The following TNFRSF1B variants were observed in gnomAD, a reference collection of about 807,000 sequenced individuals.
TNFRSF1B encodes the protein tumor necrosis factor receptor superfamily member 1B.
TNFRSF1B carries 19 observed loss-of-function variants against 44.6 expected under a neutral mutation model. The observed-to-expected ratio is 0.43, with a 90% CI of 0.30 to 0.62. The LOEUF (loss-of-function observed/expected upper bound fraction) is 0.62, where lower values mean the gene tolerates loss of function less well. Ranked by LOEUF, TNFRSF1B falls within the 20% of genes least tolerant of loss-of-function variation. The pLI, the probability that TNFRSF1B is intolerant of heterozygous loss-of-function variation, is 0.16. For missense variants in TNFRSF1B, 541 were observed against 619.9 expected (o/e 0.87, Z 1.35); for synonymous variants, 252 against 261.1 (o/e 0.97, Z 0.34).
intron 3 of TNFRSF1B, among the ~76,000 whole-genome samples, chr1:12,191,309 T>C (rs1639117393): frequency 6.6e-6 from 1 of 152,098 alleles, no homozygotes; most frequent in South Asian, 2.1e-4. Flanking sequence ...TGTGCCCACG[T>C]GAGGGTTGAG....
rs112914333 is a variant in TNFRSF1B, at chr1:12,202,123, G to A, written c.1057G>A (p.Val353Met). 2.9e-5 allele frequency: 45 copies of A among 1,563,494 alleles called. No homozygotes were observed. Among genetic ancestry groups the A allele is most frequent in the African/African-American group, 1.9e-4 (14 of 73,922 alleles). Residue 353 changes from valine to methionine, a missense_variant, in exon 9 of 10, where the codon GTG becomes ATG. By Grantham distance (21) the Val-to-Met change is conservative. Transcript: ENST00000376259. Reference sequence around the variant, plus strand: ...TCGGAACCAGCCACAGGCACCAGGCGTGGAGGCCAGTGGGGCCGGGGAGGC... The same window carrying A: ...TCGGAACCAGCCACAGGCACCAGGCATGGAGGCCAGTGGGGCCGGGGAGGC... Reference protein sequence around the residue: ...PTRNQPQAPGVEASGAGEARA... With the variant: ...PTRNQPQAPGMEASGAGEARA...
intron 2 of TNFRSF1B, 79 bp downstream of exon 2, chr1:12,188,974 A>G (rs1201157): frequency 0.58 from 745,507 of 1,292,484 alleles, 217,497 homozygotes; most frequent in Middle Eastern, 0.68. Flanking sequence ...GCAAGAGCAT[A>G]GCCCTTGATT....
intron 1 of TNFRSF1B, among the ~76,000 whole-genome samples, chr1:12,183,703 T>TCTAC (rs1638883452): frequency 1.7e-5 from 2 of 117,098 alleles, no homozygotes; most frequent in Admixed American, 8.4e-5. Flanking sequence ...TATCTATCTA[T>TCTAC]CTATCTATTC....
intron 1 of TNFRSF1B, 198 bp downstream of exon 1, chr1:12,167,367 C>G: frequency 2.4e-6 from 1 of 408,166 alleles, no homozygotes; most frequent in Non-Finnish European, 4.3e-6. Flanking sequence ...GCCCGGCACA[C>G]GTGCGCTCGG....
At chr1:12,172,884 G>A (rs904628562) in intron 1 of TNFRSF1B, among the ~76,000 whole-genome samples, 4 of 152,222 alleles carry the variant, frequency 2.6e-5, no homozygotes, top group African/African-American at 9.7e-5. Context: ...GAGTGCACAA[G>A]GCTTCAGTTT....
At chr1:12,193,798 C>T (rs926492300) in intron 6 of TNFRSF1B, among the ~76,000 whole-genome samples, 157 bp from the exon 7 acceptor site, 1 of 152,176 alleles carries the variant, frequency 6.6e-6, no homozygotes, top group African/African-American at 2.4e-5. Context: ...GGCACACAGA[C>T]ATGATTGCTT....
rs959704809 is a variant in TNFRSF1B at position 12,177,357 on chromosome 1, T to G, written c.78+10188T>G. Among the ~76,000 whole-genome samples the G allele has an allele frequency of 2.6e-5, 4 of 152,164 alleles. No homozygotes were observed. The highest frequency in any genetic ancestry group is 9.7e-5 in the African/African-American group (4 of 41,450). Reference sequence around the variant, plus strand: ...CAACCCCATTTGTCCCTGGAGCTTTTGCAGTCGGTCACAGGGCCAGCCCGG... The same window carrying G: ...CAACCCCATTTGTCCCTGGAGCTTTGGCAGTCGGTCACAGGGCCAGCCCGG... On this transcript the variant is annotated intron_variant, in intron 1 of 9. Coordinates refer to ENST00000376259, the MANE Select transcript of TNFRSF1B (RefSeq NM_001066.3). This position sits in a 1 kb window ranked among gnomAD's most constrained non-coding sequence, Gnocchi z 4.3.
rs1638445030 is a variant in TNFRSF1B, at chr1:12,168,507, C to T, written c.78+1338C>T. Among the ~76,000 whole-genome samples the T allele has an allele frequency of 6.6e-6, 1 of 152,150 alleles. No individual in the cohort carries two copies. Among genetic ancestry groups the T allele is most frequent in the African/African-American group, 2.4e-5 (1 of 41,454 alleles). On this transcript the variant is annotated intron_variant, in intron 1 of 9. Coordinates refer to ENST00000376259, the MANE Select transcript of TNFRSF1B (RefSeq NM_001066.3). The surrounding 1 kb of genome is among the most constrained non-coding windows in gnomAD (Gnocchi z 4.7). ...GGGACGACCGTGGTCCCCAGCTTGA[C>T]TTTGGGGTCATGCCATATACTCTGG...
At position 12,168,195 on chromosome 1, in the gene TNFRSF1B, C is replaced by T. The variant is rs1028525137; in HGVS notation, c.78+1026C>T. Among the ~76,000 whole-genome samples the T allele has an allele frequency of 6.6e-6, 1 of 152,218 alleles. No individual in the cohort carries two copies. On this transcript the variant is annotated intron_variant, in intron 1 of 9. Transcript: ENST00000376259. The surrounding 1 kb of genome is among the most constrained non-coding windows in gnomAD (Gnocchi z 4.7). The stretch of plus-strand genomic sequence containing the variant: ...GGCTGCGGGGAAGGTGGGCGTTCAT[C>T]CTTCCTCAGAGCCGCCCCTGATGGA...
intron 2 of TNFRSF1B, 148 bp downstream of exon 2, chr1:12,189,043 G>A: frequency 1.5e-6 from 1 of 648,898 alleles, no homozygotes; most frequent in Non-Finnish European, 2.5e-6. Context: ...CTGGGCCTGT[G>A]AACATGCTGT....
rs17878920 is a variant in TNFRSF1B at position 12,170,337 on chromosome 1, T to A, written c.78+3168T>A. On this transcript the variant is annotated intron_variant, in intron 1 of 9. Transcript: ENST00000376259. ...TCACAGACCTGGGCTCTGTCCCAAC[T>A]GCCCTTATGAGCTTAGCTGAGCTAG... Among the ~76,000 whole-genome samples, 239 of 152,358 alleles carry A rather than the reference T, an allele frequency of 1.6e-3. 1 individual carries two copies. Among genetic ancestry groups the A allele is most frequent in the African/African-American group, 5.4e-3 (226 of 41,588 alleles).
chr1:12,174,145 TCTTCTTCTTCTTCTTCTTCTCCTTCTC>T (rs1557623583), intron 1 of TNFRSF1B, among the ~76,000 whole-genome samples: 3 of 86,558 alleles, frequency 3.5e-5, no homozygotes, highest in African/African-American at 1.8e-4. Flanking sequence ...TTCTTCTTCT[TCTTCTTCTTCTTCTTCTTCTCCTTCTC>T]CTTCTCCTTC....
chr1:12,189,028 T>G (rs1639051926), intron 2 of TNFRSF1B, 133 bp downstream of exon 2: 1 of 704,508 alleles, frequency 1.4e-6, no homozygotes, highest in Non-Finnish European at 2.3e-6. Context: ...TGCTCCCTGC[T>G]GCTTCTGGGC....
At chr1:12,174,540 G>T (rs1008429085) in intron 1 of TNFRSF1B, among the ~76,000 whole-genome samples, 5 of 152,278 alleles carry the variant, frequency 3.3e-5, no homozygotes, top group East Asian at 1.9e-4. Context: ...GAGCCACTGC[G>T]CCCAGCTTCC....
At chr1:12,192,343 C>T (rs1203808021) in intron 4 of TNFRSF1B, 88 bp from the exon 5 acceptor site, 1 of 1,245,924 alleles carries the variant, frequency 8.0e-7, no homozygotes, top group African/African-American at 1.5e-5. Context: ...CCTTGGGCCC[C>T]TCAGACCTCT....
At chr1:12,192,333 C>T (rs1639162791) in intron 4 of TNFRSF1B, 98 bp from the exon 5 acceptor site, 1 of 1,020,190 alleles carries the variant, frequency 9.8e-7, no homozygotes, top group Non-Finnish European at 1.5e-6. Context: ...AGACAGAGCT[C>T]CTTGGGCCCC....
chr1:12,189,826 A>G lies in TNFRSF1B; in HGVS notation c.178+931A>G, dbSNP rs113904142. On this transcript the variant is annotated intron_variant, in intron 2 of 9. Coordinates refer to ENST00000376259, the MANE Select transcript of TNFRSF1B (RefSeq NM_001066.3). Reference sequence around the variant, plus strand: ...CTGGGAAGGTCTCTCTGAGGAGGTGACATTTGGGCAGAGCCCTGCAGGAGG... The same window carrying G: ...CTGGGAAGGTCTCTCTGAGGAGGTGGCATTTGGGCAGAGCCCTGCAGGAGG... Among the ~76,000 whole-genome samples, 977 of 152,324 alleles carry G rather than the reference A, an allele frequency of 6.4e-3. 14 individuals are homozygous for G. The highest frequency in any genetic ancestry group is 0.022 in the African/African-American group (919 of 41,558).
rs1638698811 is a variant in TNFRSF1B, at chr1:12,177,894, C to T, written c.78+10725C>T. Among the ~76,000 whole-genome samples the T allele has an allele frequency of 1.3e-5, 2 of 152,112 alleles. No individual in the cohort carries two copies. Among genetic ancestry groups the T allele is most frequent in the South Asian group, 4.1e-4 (2 of 4,832 alleles). On this transcript the variant is annotated intron_variant, in intron 1 of 9. Coordinates refer to ENST00000376259, the MANE Select transcript of TNFRSF1B (RefSeq NM_001066.3). The surrounding 1 kb of genome is among the most constrained non-coding windows in gnomAD (Gnocchi z 4.3). ...AACTACACAGAGTGCCCTTCCTTGT[C>T]ACAGCTACCTGGGGGCAGGGGAACA...
chr1:12,206,885 G>A lies in TNFRSF1B; in HGVS notation c.1251G>A (p.Lys417=), dbSNP rs917000076. 6.2e-7 allele frequency: 1 copy of A among 1,614,120 alleles called. No homozygotes were observed. Among genetic ancestry groups the A allele is most frequent in the African/African-American group, 1.3e-5 (1 of 74,944 alleles). The stretch of plus-strand genomic sequence containing the variant: ...ATTCCAGCCCCTCGGAGTCCCCGAA[G>A]GACGAGCAGGTCCCCTTCTCCAAGG... ...DTDSSPSESP[K]DEQVPFSKEE... The change falls in exon 10 of 10, where the codon AAG becomes AAA. Residue 417 remains lysine (K), a synonymous_variant. Coordinates refer to ENST00000376259, the MANE Select transcript of TNFRSF1B (RefSeq NM_001066.3).
Sources: allele counts gnomAD v4.1 joint callset (sites outside exome capture counted in the v4.1 genomes callset), GRCh38; gene constraint gnomAD v4.1.1; non-coding constraint Gnocchi (gnomAD v3.1); transcripts MANE v1.5; gene names NCBI Gene and HGNC (gene_info 2026-07-23, HGNC 2026-07-21).